TENM4: variants seen among roughly 807,000 people sequenced by gnomAD.
TENM4 encodes the protein teneurin transmembrane protein 4.
A neutral mutation model predicts 243.3 loss-of-function variants in TENM4; 82 were observed. The observed-to-expected ratio is 0.34, with a 90% confidence interval of 0.28 to 0.40. The LOEUF (loss-of-function observed/expected upper bound fraction) is 0.40. Among genes scored for constraint, TENM4 ranks in the 10% least tolerant of loss-of-function variants. The probability of loss-of-function intolerance (pLI) is 1.00; values close to 1 mark genes in which losing one functional copy is unlikely to be tolerated. For missense variants in TENM4, 3,138 were observed against 3,673.3 expected (o/e 0.85, Z 3.77); for synonymous variants, 1,412 against 1,456.3 (o/e 0.97, Z 0.69).
rs71763484 is a variant in TENM4 at position 78,880,457 on chromosome 11, T to TAAAAAAAAAAAAAAAA, written c.1084+9312_1084+9327dup. Among the ~76,000 whole-genome samples, 4 of 104,644 alleles carry TAAAAAAAAAAAAAAAA rather than the reference T, an allele frequency of 3.8e-5. 1 individual carries two copies. Among genetic ancestry groups the TAAAAAAAAAAAAAAAA allele is most frequent in the African/African-American group, 2.0e-4 (3 of 14,698 alleles). The allele number at this position is 104,644 out of a possible 152,430, so 68.7% of individuals were successfully genotyped here. On this transcript the variant is annotated intron_variant, in intron 9 of 33. Coordinates refer to ENST00000278550, the MANE Select transcript of TENM4 (RefSeq NM_001098816.3). ...ACACCCAAGAATGATCAATAAATAC[T>TAAAAAAAAAAAAAAAA]AAAAAAAAAAAAAAAAAAAAAAAAA...
rs147996886 is a variant in TENM4 at position 79,166,272 on chromosome 11, AG to A, written c.-162-17467del. Reference sequence around the variant, plus strand: ...AGAAAGTTCCATAGCAGAAAGATGAAGGTATTTCGTCTTCTGGACCCCACTG... The same window carrying A: ...AGAAAGTTCCATAGCAGAAAGATGAAGTATTTCGTCTTCTGGACCCCACTG... On this transcript the variant is annotated intron_variant, in intron 3 of 33. Transcript: ENST00000278550. Among the ~76,000 whole-genome samples the A allele has an allele frequency of 9.1e-3, 1,386 of 152,344 alleles. 20 individuals carry two copies. The highest frequency in any genetic ancestry group is 0.031 in the African/African-American group (1,296 of 41,584).
intron 5 of TENM4, among the ~76,000 whole-genome samples, chr11:79,068,750 T>C (rs1451812705): frequency 6.6e-6 from 1 of 151,906 alleles, no homozygotes; most frequent in African/African-American, 2.4e-5. Flanking sequence ...AAAACAGGAA[T>C]CACCGAGGCA....
intron 27 of TENM4, among the ~76,000 whole-genome samples, chr11:78,706,838 TGAC>T (rs150763399): frequency 0.018 from 2,755 of 152,312 alleles, 92 homozygotes; most frequent in African/African-American, 0.063. Context: ...CATGGCTTCC[TGAC>T]GGGTAATTCA....
At chr11:79,219,833 G>A (rs1173661588) in intron 2 of TENM4, among the ~76,000 whole-genome samples, 1 of 152,180 alleles carries the variant, frequency 6.6e-6, no homozygotes, top group Non-Finnish European at 1.5e-5. Flanking sequence ...AATGCAGAGT[G>A]CCTCTGCTTC....
intron 2 of TENM4, among the ~76,000 whole-genome samples, chr11:79,276,752 C>A (rs1392657316): frequency 2.0e-5 from 3 of 152,144 alleles, no homozygotes; most frequent in African/African-American, 7.2e-5. Context: ...ATACTCCTTG[C>A]TGCTTTGGGG....
chr11:79,143,029 T>C (rs964793943), intron 4 of TENM4, among the ~76,000 whole-genome samples: 3 of 151,968 alleles, frequency 2.0e-5, no homozygotes, highest in Non-Finnish European at 2.9e-5. Context: ...GGAAACAACA[T>C]GTGCTGGAGA....
At chr11:78,810,872 A>C (rs1278635457) in intron 14 of TENM4, among the ~76,000 whole-genome samples, 1 of 152,104 alleles carries the variant, frequency 6.6e-6, no homozygotes, top group African/African-American at 2.4e-5. Context: ...GGAAGGTGCC[A>C]GGGTGCTAGA....
chr11:78,887,641 T>A (rs1245855613), intron 9 of TENM4, among the ~76,000 whole-genome samples: 1 of 152,236 alleles, frequency 6.6e-6, no homozygotes, highest in African/African-American at 2.4e-5. Context: ...AGTGCTTGAA[T>A]CTTATTCTAA....
rs757247880 is a variant in TENM4, at chr11:78,676,366, T to C, written c.5282A>G (p.Tyr1761Cys). 3.7e-6 allele frequency: 6 copies of C among 1,602,838 alleles called. No homozygotes were observed. The South Asian group carries it at 4.4e-5, about 12-fold the overall frequency. The change falls in exon 30 of 34, where the codon TAC becomes TGC. Residue 1761 changes from tyrosine to cysteine, a missense_variant. By Grantham distance (194) the Tyr-to-Cys change is radical (BLOSUM62 -2). Transcript: ENST00000278550. ...LLQDQVRNSY[Y>C]IGADGSLRLL... ...CCGCAAGGAGCCATCGGCCCCGATG[T>C]AGTAGCTGTTCCGGACTTGGTCTGC...
intron 29 of TENM4, among the ~76,000 whole-genome samples, chr11:78,687,732 T>C (rs1858720854): frequency 6.6e-6 from 1 of 152,222 alleles, no homozygotes; most frequent in Non-Finnish European, 1.5e-5. Flanking sequence ...TGTCCTCACC[T>C]ACACCAGTGT....
intron 12 of TENM4, among the ~76,000 whole-genome samples, chr11:78,839,507 G>A (rs1490152807): frequency 6.6e-6 from 1 of 151,856 alleles, no homozygotes; most frequent in East Asian, 1.9e-4. Context: ...CCAGTTACAA[G>A]TTCTGAATTC....
At chr11:78,661,660 C>T in intron 32 of TENM4, 69 bp from the exon 33 acceptor site, 1 of 1,569,166 alleles carries the variant, frequency 6.4e-7, no homozygotes, top group East Asian at 2.3e-5. Flanking sequence ...ATCCCCATCT[C>T]ACAGCCTACA....
At chr11:78,725,213 C>T (rs1855485028) in intron 23 of TENM4, among the ~76,000 whole-genome samples, 1 of 152,214 alleles carries the variant, frequency 6.6e-6, no homozygotes, top group Non-Finnish European at 1.5e-5. Context: ...GTGAGTCCCT[C>T]TTCTTTGTTC....
chr11:79,308,424 G>A (rs1303849776), intron 1 of TENM4, among the ~76,000 whole-genome samples: 1 of 152,122 alleles, frequency 6.6e-6, no homozygotes, highest in Non-Finnish European at 1.5e-5. Context: ...GTGAGGTAGT[G>A]ATGAGTGTAA....
At chr11:78,920,607 C>T (rs545704611) in intron 6 of TENM4, among the ~76,000 whole-genome samples, 98 of 152,058 alleles carry the variant, frequency 6.4e-4, no homozygotes, top group African/African-American at 2.3e-3. Context: ...TTTTTCTCCC[C>T]GAGGATGAAC....
At chr11:79,091,490 T>A (rs1163284054) in intron 4 of TENM4, among the ~76,000 whole-genome samples, 1 of 152,202 alleles carries the variant, frequency 6.6e-6, no homozygotes, top group Non-Finnish European at 1.5e-5. Context: ...AGCGTAATTT[T>A]TCTAAAAAGC....
At chr11:79,102,340 T>C (rs1021980401) in intron 4 of TENM4, among the ~76,000 whole-genome samples, 8 of 152,218 alleles carry the variant, frequency 5.3e-5, no homozygotes, top group Non-Finnish European at 2.9e-5. Context: ...ATCATGAAAT[T>C]TGGGGGATCC....
chr11:79,286,656 C>T (rs758014252), intron 2 of TENM4, among the ~76,000 whole-genome samples: 13 of 151,654 alleles, frequency 8.6e-5, no homozygotes, highest in Non-Finnish European at 8.8e-5. Flanking sequence ...GCAACAAGAG[C>T]GAAACTCCGT....
At chr11:78,874,582 T>C (rs951713754) in intron 9 of TENM4, among the ~76,000 whole-genome samples, 1 of 152,154 alleles carries the variant, frequency 6.6e-6, no homozygotes, top group Non-Finnish European at 1.5e-5. Flanking sequence ...AAAGAAGAAT[T>C]TTCAGCTTCT....
Sources: allele counts gnomAD v4.1 joint callset (sites outside exome capture counted in the v4.1 genomes callset), GRCh38; gene constraint gnomAD v4.1.1; transcripts MANE v1.5; gene names NCBI Gene and HGNC (gene_info 2026-07-23, HGNC 2026-07-21).